Variants in SLC25A29 observed in about 807,000 individuals in gnomAD.
SLC25A29 encodes solute carrier family 25 member 29.
SLC25A29 carries 13 observed loss-of-function variants against 10.0 expected under a neutral mutation model. That is an observed-to-expected ratio of 1.30 (90% CI 0.85 to 2.07). SLC25A29 has a LOEUF of 2.07. Among genes scored for constraint, SLC25A29 ranks in the 30% most tolerant of loss-of-function variants. The pLI is 0.00. For synonymous variants in SLC25A29, 244 were observed against 221.1 expected (o/e 1.10, Z -0.92); for missense variants, 475 against 447.6 (o/e 1.06, Z -0.55).
At chr14:100,299,494 CCTCAGTGGGAGCCA>C in intron 1 of SLC25A29, 1 of 986,726 alleles carries the variant, frequency 1.0e-6, no homozygotes, top group Non-Finnish European at 1.2e-6. Context: ...CGTCCCCTTC[CCTCAGTGGGAGCCA>C]CCTTGAGCCC....
intron 2 of SLC25A29, among the ~76,000 whole-genome samples, chr14:100,296,820 G>C (rs1302447131): frequency 1.3e-5 from 2 of 152,034 alleles, no homozygotes; most frequent in Non-Finnish European, 2.9e-5. Flanking sequence ...GGATGGTCTT[G>C]ATCTCCTGAC....
intron 1 of SLC25A29, 141 bp downstream of exon 1, chr14:100,306,058 C>T (rs1214583938): frequency 7.3e-6 from 4 of 546,976 alleles, no homozygotes; most frequent in East Asian, 3.7e-5. Context: ...GAGACCCGCC[C>T]GAGGCAAGAG....
At chr14:100,302,591 G>A (rs1273863240) in intron 1 of SLC25A29, among the ~76,000 whole-genome samples, 2 of 152,060 alleles carry the variant, frequency 1.3e-5, no homozygotes, top group South Asian at 2.1e-4. Context: ...TCTTGACCTC[G>A]TGATCCACCC....
intron 2 of SLC25A29, chr14:100,293,746 G>A (rs759586479): frequency 1.0e-4 from 22 of 213,572 alleles, no homozygotes; most frequent in Non-Finnish European, 1.7e-4. Flanking sequence ...CTGAGTGAGC[G>A]GCCCATGTCC....
downstream of SLC25A29, among the ~76,000 whole-genome samples, chr14:100,288,153 C>T (rs149292998): frequency 0.011 from 1,669 of 152,052 alleles, 52 homozygotes; most frequent in East Asian, 0.12. Context: ...GAGGCTGAGG[C>T]GGCGGATCAC....
the SLC25A29 span, among the ~76,000 whole-genome samples, chr14:100,284,078 G>A: frequency 1.3e-5 from 2 of 151,806 alleles, no homozygotes; most frequent in Admixed American, 1.3e-4. Flanking sequence ...TGTACCCAGT[G>A]GCCTCCTCCA....
At chr14:100,287,298 A>T (rs1595342665), downstream of SLC25A29, among the ~76,000 whole-genome samples, 1 of 151,888 alleles carries the variant, frequency 6.6e-6, no homozygotes, top group African/African-American at 2.4e-5. Context: ...TCAGATTTGG[A>T]CTCCCCAAAC....
chr14:100,298,954 G>T (rs1201109983), intron 1 of SLC25A29, 69 bp from the exon 2 acceptor site: 2 of 1,589,052 alleles, frequency 1.3e-6, no homozygotes, highest in Non-Finnish European at 1.7e-6. Context: ...TGGGCAGGAG[G>T]GGGTTCTGAC....
At chr14:100,280,374 C>A in the SLC25A29 span, 1 of 152,056 alleles carries the variant, frequency 6.6e-6, no homozygotes, top group Admixed American at 6.6e-5. Context: ...TATAAAAACT[C>A]CAGAGGATAA....
rs1891739244 is a variant in SLC25A29, at chr14:100,292,105, A to G, written c.*178T>C. On this transcript the variant is annotated 3_prime_UTR_variant, in exon 4 of 4. Transcript: ENST00000359232. ...GGGTCCTTATTTCATAGATGAGAAC[A>G]CTGAGGCAAGTGCAGTTCTCGGCCA... 1.4e-6 allele frequency: 1 copy of G among 736,722 alleles called. No individual in the cohort carries two copies. The highest frequency in any genetic ancestry group is 2.3e-6 in the Non-Finnish European group (1 of 435,986). 45.6% of individuals were successfully genotyped at this position (736,722 alleles called of 1,614,324 possible). A position where few individuals can be genotyped will look rare whatever the true frequency, so the allele number is the denominator to read the frequency against.
At chr14:100,283,257 G>A in the SLC25A29 span, among the ~76,000 whole-genome samples, 1 of 152,240 alleles carries the variant, frequency 6.6e-6, no homozygotes. Flanking sequence ...GTTCTGCAGA[G>A]CAAGGTTCAG....
chr14:100,304,062 C>T (rs1892746519), intron 1 of SLC25A29, among the ~76,000 whole-genome samples: 1 of 152,126 alleles, frequency 6.6e-6, no homozygotes, highest in Admixed American at 6.5e-5. Flanking sequence ...GGCCCCGCCT[C>T]CCTGAGAAGT....
chr14:100,299,763 T>C (rs1892417504), intron 1 of SLC25A29: 3 of 985,354 alleles, frequency 3.0e-6, no homozygotes. Context: ...CTGACTCCCA[T>C]GCTCCTCTCC....
At chr14:100,294,844 C>A (rs777353170) in intron 2 of SLC25A29, 2 of 152,258 alleles carry the variant, frequency 1.3e-5, no homozygotes, top group South Asian at 4.1e-4. Flanking sequence ...AGGACCTCAA[C>A]AGCTGGAAGC....
the SLC25A29 span, chr14:100,281,047 A>C: frequency 7.4e-6 from 1 of 135,748 alleles, no homozygotes; most frequent in Non-Finnish European, 1.5e-5. Context: ...GTGACAGAGC[A>C]AGACTCCGTC....
chr14:100,294,206 AAT>A (rs1419482042), intron 2 of SLC25A29: 3 of 152,234 alleles, frequency 2.0e-5, no homozygotes, highest in South Asian at 2.1e-4. Flanking sequence ...GTTATGAGTT[AAT>A]AGAGTGGTGG....
intron 1 of SLC25A29, chr14:100,299,415 G>A (rs1033836379): frequency 7.9e-5 from 79 of 996,900 alleles, no homozygotes; most frequent in Non-Finnish European, 9.3e-5. Flanking sequence ...GAGTGGCCAC[G>A]GAGACTGAAC....
At chr14:100,299,993 A>T in intron 1 of SLC25A29, 1 of 985,322 alleles carries the variant, frequency 1.0e-6, no homozygotes, top group Non-Finnish European at 1.2e-6. Context: ...GGACCTGGCC[A>T]GGTGTGGTGG....
At chr14:100,289,167 C>G (rs1405373232), downstream of SLC25A29, among the ~76,000 whole-genome samples, 1 of 152,216 alleles carries the variant, frequency 6.6e-6, no homozygotes, top group Non-Finnish European at 1.5e-5. Flanking sequence ...AGGAACCAAC[C>G]CTGCCTGCAG....
Sources: gnomAD v4.1 joint callset for allele counts (sites outside exome capture counted in the v4.1 genomes callset) on GRCh38, gnomAD v4.1.1 for gene constraint, MANE v1.5 for transcripts, NCBI Gene and HGNC (gene_info 2026-07-23, HGNC 2026-07-21) for gene names.